EHMT2: variants seen among roughly 807,000 people sequenced by gnomAD.
EHMT2 encodes the protein euchromatic histone lysine methyltransferase 2.
In EHMT2, 59 loss-of-function variants were observed where a neutral mutation model predicts 143.3. The ratio of observed to expected loss-of-function variants is 0.41; its 90% confidence interval spans 0.33 to 0.51. The LOEUF (loss-of-function observed/expected upper bound fraction) is 0.51, where lower values mean the gene tolerates loss of function less well. EHMT2 is among the 20% of genes least tolerant of loss of function. EHMT2 has a pLI of 0.18. For missense variants in EHMT2, 1,174 were observed against 1,645.9 expected (o/e 0.71, Z 4.96); for synonymous variants, 604 against 651.5 (o/e 0.93, Z 1.11).
intron 2 of EHMT2, 34 bp from the exon 3 acceptor site, chr6:31,896,858 G>A (rs761964248): frequency 6.2e-7 from 1 of 1,612,382 alleles, no homozygotes; most frequent in South Asian, 1.1e-5. Context: ...AGAGCTAAGG[G>A]CTCAGGAGAT....
At position 31,891,095 on chromosome 6, in the gene EHMT2, A is replaced by G. The variant is rs115364878; in HGVS notation, c.864+1312T>C. On this transcript the variant is annotated intron_variant, in intron 7 of 27. Coordinates refer to ENST00000375537, the Ensembl canonical transcript of EHMT2. The stretch of plus-strand genomic sequence containing the variant: ...GTAGCTGGAATTACAGGCACGTACC[A>G]CTACGTCCAGCTAATTTTGTATTTT... Among the ~76,000 whole-genome samples the G allele has an allele frequency of 1.0e-3, 155 of 151,952 alleles. 1 individual carries two copies. The highest frequency in any genetic ancestry group is 2.7e-3 in the South Asian group (13 of 4,802).
intron 3 of EHMT2, 23 bp downstream of exon 3, chr6:31,896,583 C>T (rs758469795): frequency 6.3e-7 from 1 of 1,588,670 alleles, no homozygotes; most frequent in African/African-American, 1.3e-5. Context: ...CCCACCAACC[C>T]CCCAGGCTAC....
intron 4 of EHMT2, chr6:31,893,466 T>C (rs1408058005): frequency 1.0e-5 from 4 of 392,662 alleles, no homozygotes; most frequent in East Asian, 7.7e-5. Context: ...TACAGGCACA[T>C]GTCACAATGC....
At chr6:31,893,526 C>G (rs1330485155) in intron 4 of EHMT2, 1 of 303,864 alleles carries the variant, frequency 3.3e-6, no homozygotes, top group Non-Finnish European at 6.6e-6. Context: ...GAGGTCTTGC[C>G]ATGTTGCCCA....
chr6:31,884,283 G>T lies in EHMT2; in HGVS notation c.2771+109C>A. Reference sequence around the variant, plus strand: ...GCCTGTGGGTGGTTCTGGGGATTCAGTGGTGCATGGGGAGGGGTTGGGGAA... The same window carrying T: ...GCCTGTGGGTGGTTCTGGGGATTCATTGGTGCATGGGGAGGGGTTGGGGAA... On this transcript the variant is annotated intron_variant, in intron 21 of 27. Coordinates refer to ENST00000375537, the Ensembl canonical transcript of EHMT2. This position sits in a 1 kb window ranked among gnomAD's most constrained non-coding sequence, Gnocchi z 7.3. The T allele has an allele frequency of 7.6e-7, 1 of 1,320,422 alleles. No individual in the cohort carries two copies. The highest frequency in any genetic ancestry group is 1.0e-6 in the Non-Finnish European group (1 of 968,784). The allele number at this position is 1,320,422 out of a possible 1,614,324, so 81.8% of individuals were successfully genotyped here.
Position 31,883,330 on chromosome 6 carries a change from G to C in EHMT2, c.2994+32C>G, listed in dbSNP as rs763358738. ...GGCTGGCTCCTCTGAAGGAGGGGCC[G>C]GGTGTCTGTGGCCAAGGCAAGGGGC... On this transcript the variant is annotated intron_variant, in intron 23 of 27. Coordinates refer to ENST00000375537, the Ensembl canonical transcript of EHMT2. This position sits in a 1 kb window ranked among gnomAD's most constrained non-coding sequence, Gnocchi z 5.6. The C allele has an allele frequency of 1.3e-5, 21 of 1,606,686 alleles. No individual in the cohort carries two copies. The highest frequency in any genetic ancestry group is 1.7e-5 in the Non-Finnish European group (20 of 1,174,964).
At chr6:31,892,512 T>C in exon 7 of EHMT2, 5 of 1,612,952 alleles carry the variant, frequency 3.1e-6, no homozygotes, top group Non-Finnish European at 3.4e-6. Flanking sequence ...CGGGGTCCCC[T>C]TTCGTCAGGG....
rs71563386 is a variant in EHMT2, at chr6:31,883,991, G to T, written c.2772-41C>A. ...AGAAGGGGCTGGGAAGCTGGAAAAG[G>T]GGGTGAGGAGCTACTCCAGGTATAA... On this transcript the variant is annotated intron_variant, in intron 21 of 27. Coordinates refer to ENST00000375537, the Ensembl canonical transcript of EHMT2. The surrounding 1 kb of genome is among the most constrained non-coding windows in gnomAD (Gnocchi z 5.6). 6.2e-7 allele frequency: 1 copy of T among 1,605,212 alleles called. No individual in the cohort carries two copies. Among genetic ancestry groups the T allele is most frequent in the African/African-American group, 1.3e-5 (1 of 74,890 alleles).
intron 18 of EHMT2, chr6:31,885,631 G>A (rs1217417260): frequency 6.6e-6 from 1 of 152,248 alleles, no homozygotes; most frequent in African/African-American, 2.4e-5. Flanking sequence ...AGATGGGAGG[G>A]TTGCTTGAGC....
Position 31,883,172 on chromosome 6 carries a change from C to CAAACCAGGG in EHMT2, c.2995-164_2995-163insCCCTGGTTT. 1.2e-6 allele frequency: 1 copy of CAAACCAGGG among 864,652 alleles called. No individual in the cohort carries two copies. The highest frequency in any genetic ancestry group is 1.8e-6 in the Non-Finnish European group (1 of 541,600). The allele number at this position is 864,652 out of a possible 1,614,324, so 53.6% of individuals were successfully genotyped here. On this transcript the variant is annotated intron_variant, in intron 23 of 27. Coordinates refer to ENST00000375537, the Ensembl canonical transcript of EHMT2. The surrounding 1 kb of genome is among the most constrained non-coding windows in gnomAD (Gnocchi z 5.6). ...ATGCAGGAGCATCATCCCTGGTTTG[C>CAAACCAGGG]ATAGACCTGGGCACACGCCCATCGC...
chr6:31,887,671 G>A lies in EHMT2; in HGVS notation c.1929-12C>T, dbSNP rs1026507063. On this transcript the variant is annotated splice_polypyrimidine_tract_variant and intron_variant, in intron 14 of 27. Coordinates refer to ENST00000375537, the Ensembl canonical transcript of EHMT2. ...GGAGCTTCTTCCGCCTGCCAAGGGAGCACGGGAGCGGGGAGAGAAGGGGAG... is the reference window on the plus strand; with the variant it reads ...GGAGCTTCTTCCGCCTGCCAAGGGAACACGGGAGCGGGGAGAGAAGGGGAG... The A allele has an allele frequency of 1.2e-6, 2 of 1,612,516 alleles. No homozygotes were observed. Among genetic ancestry groups the A allele is most frequent in the East Asian group, 2.2e-5 (1 of 44,880 alleles).
In EHMT2 at chr6:31,896,934, G is replaced by T. The variant is rs529607342; in HGVS notation, c.98C>A (p.Ala33Asp). The T allele has an allele frequency of 4.5e-4, 723 of 1,597,408 alleles. 8 individuals carry two copies. The South Asian group carries it at 5.8e-3, about 13-fold the overall frequency. Reference sequence around the variant, plus strand: ...TTAGCTGCACTCACCTCTCTCGGTGGCTCCTCTGGTTTCCTTCTCCAGCAG... The same window carrying T: ...TTAGCTGCACTCACCTCTCTCGGTGTCTCCTCTGGTTTCCTTCTCCAGCAG... Residue 33 changes from alanine to aspartate, a missense_variant, in exon 2 of 28, where the codon GCC (alanine) becomes GAC (aspartate). By Grantham distance (126) the Ala-to-Asp change is moderately radical. Around this residue, in one of 6 missense-constraint regions of EHMT2, gnomAD observed 399 missense variants for 404.4 expected, o/e 0.99. Coordinates refer to ENST00000375537, the Ensembl canonical transcript of EHMT2.
chr6:31,881,154 C>A lies in EHMT2; in HGVS notation c.3198-62G>T. On this transcript the variant is annotated intron_variant, in intron 25 of 27. Coordinates refer to ENST00000375537, the Ensembl canonical transcript of EHMT2. The surrounding 1 kb of genome is among the most constrained non-coding windows in gnomAD (Gnocchi z 4.8). ...TGGGCTATTAGGAGGTGGCTCCAGG[C>A]CCCATCTCTCTTCACAAGCCTGTGG... is the stretch of plus-strand genomic sequence containing the variant. 7.1e-7 allele frequency: 1 copy of A among 1,402,430 alleles called. No homozygotes were observed. The highest frequency in any genetic ancestry group is 1.0e-6 in the Non-Finnish European group (1 of 990,330). The allele number at this position is 1,402,430 out of a possible 1,614,324, so 86.9% of individuals were successfully genotyped here. A position where few individuals can be genotyped will look rare whatever the true frequency, so the allele number is the denominator to read the frequency against.
Position 31,883,664 on chromosome 6 carries a change from C to T in EHMT2, c.2916+142G>A. On this transcript the variant is annotated intron_variant, in intron 22 of 27. Transcript: ENST00000375537. This position sits in a 1 kb window ranked among gnomAD's most constrained non-coding sequence, Gnocchi z 5.6. ...GTGACCTAGGAAAAGGATCCCTCCC[C>T]TGGTGGGGATGCGACCCCACACCAG... The T allele has an allele frequency of 3.9e-6, 5 of 1,265,890 alleles. No homozygotes were observed. In the Admixed American group the frequency reaches 6.0e-5, roughly 15 times the overall value. The allele number at this position is 1,265,890 out of a possible 1,614,324, so 78.4% of individuals were successfully genotyped here. A position where few individuals can be genotyped will look rare whatever the true frequency, so the allele number is the denominator to read the frequency against.
chr6:31,886,632 C>G (rs758280824), exon 18 of EHMT2: 2 of 1,613,530 alleles, frequency 1.2e-6, no homozygotes, highest in Non-Finnish European at 1.7e-6. Context: ...TGACCATCTC[C>G]AAGTTCCCGA....
Position 31,884,679 on chromosome 6 carries a change from T to C in EHMT2, c.2569A>G (p.Ile857Val), listed in dbSNP as rs778998109. 3.8e-6 allele frequency: 6 copies of C among 1,582,098 alleles called. No individual in the cohort carries two copies. Among genetic ancestry groups the C allele is most frequent in the Non-Finnish European group, 5.2e-6 (6 of 1,160,502 alleles). The stretch of plus-strand genomic sequence containing the variant: ...TCATGGTAGCTCTCCCGAGCTGCGA[T>C]GTGCAGGGGGGTGTCCCCATGGTAG... The change falls in exon 20 of 28, where the codon ATC becomes GTC. Residue 857 changes from isoleucine (I) to valine (V), a missense_variant. Ile to Val is a conservative substitution (Grantham distance 29, BLOSUM62 3). Transcript: ENST00000375537. The surrounding 1 kb of genome is among the most constrained non-coding windows in gnomAD (Gnocchi z 7.3).
intron 25 of EHMT2, 152 bp downstream of exon 25, chr6:31,882,547 T>G: frequency 1.3e-6 from 1 of 764,168 alleles, no homozygotes; most frequent in Admixed American, 2.3e-5. Flanking sequence ...GCTGCTCAGC[T>G]GCAGGAATAG....
At chr6:31,882,863 G>A (rs2151595800) in intron 24 of EHMT2, 31 bp downstream of exon 24, 1 of 1,611,802 alleles carries the variant, frequency 6.2e-7, no homozygotes, top group South Asian at 1.1e-5. Context: ...GGTGAGGTGG[G>A]GAGAGGGTGG....
At position 31,881,797 on chromosome 6, in the gene EHMT2, C is replaced by A. The variant is rs1487144246; in HGVS notation, c.3198-705G>T. On this transcript the variant is annotated intron_variant, in intron 25 of 27. Coordinates refer to ENST00000375537, the Ensembl canonical transcript of EHMT2. This position sits in a 1 kb window ranked among gnomAD's most constrained non-coding sequence, Gnocchi z 4.8. ...TGAACAGGCAAGTATGGTTAGAGGA[C>A]TATCTTTTTTAAAGGCCAAAGAATG... 6.6e-6 allele frequency among the ~76,000 whole-genome samples: 1 copy of A among 152,118 alleles called. No homozygotes were observed. Among genetic ancestry groups the A allele is most frequent in the African/African-American group, 2.4e-5 (1 of 41,436 alleles).
Sources: gnomAD v4.1 joint callset for allele counts (sites outside exome capture counted in the v4.1 genomes callset) on GRCh38, gnomAD v4.1.1 for gene constraint, gnomAD v4.1.1 regional missense constraint, Gnocchi (gnomAD v3.1) non-coding constraint, MANE v1.5 for transcripts, NCBI Gene and HGNC (gene_info 2026-07-23, HGNC 2026-07-21) for gene names.